The following MACROD2 variants were observed in gnomAD, a reference collection of about 807,000 sequenced individuals.
MACROD2 encodes the protein ADP-ribose glycohydrolase MACROD2.
In MACROD2, 36 loss-of-function variants were observed where a neutral mutation model predicts 70.4. The observed-to-expected ratio is 0.51, with a 90% CI of 0.39 to 0.68. The LOEUF (loss-of-function observed/expected upper bound fraction) is 0.68, where lower values mean the gene tolerates loss of function less well. Ranked by LOEUF, MACROD2 falls within the 30% of genes least tolerant of loss-of-function variation. The probability of loss-of-function intolerance (pLI) is 0.00; values close to 1 mark genes in which losing one functional copy is unlikely to be tolerated. For synonymous variants in MACROD2, 172 were observed against 178.8 expected (o/e 0.96, Z 0.30); for missense variants, 496 against 538.4 (o/e 0.92, Z 0.78).
chr20:15,104,363 G>T (rs1385569240), intron 5 of MACROD2, among the ~76,000 whole-genome samples: 1 of 152,118 alleles, frequency 6.6e-6, no homozygotes, highest in Non-Finnish European at 1.5e-5. Context: ...TCAATGTTCA[G>T]AATCCAACAT....
intron 3 of MACROD2, among the ~76,000 whole-genome samples, chr20:14,431,345 T>C (rs993235313): frequency 6.6e-6 from 1 of 152,114 alleles, no homozygotes; most frequent in Non-Finnish European, 1.5e-5. Context: ...CACTGTTAAC[T>C]ATTGTGCTGT....
At chr20:14,462,590 T>C (rs2084385432) in intron 3 of MACROD2, among the ~76,000 whole-genome samples, 1 of 121,486 alleles carries the variant, frequency 8.2e-6, no homozygotes, top group South Asian at 4.3e-4. Flanking sequence ...TTTGGTGTTT[T>C]AGACATGAAG....
chr20:15,359,966 A>G (rs1200459738), intron 6 of MACROD2, among the ~76,000 whole-genome samples: 1 of 152,210 alleles, frequency 6.6e-6, no homozygotes, highest in Admixed American at 6.5e-5. Flanking sequence ...CATTACCACC[A>G]GTACCTACCT....
intron 3 of MACROD2, among the ~76,000 whole-genome samples, chr20:14,369,032 C>G (rs1008918122): frequency 3.9e-5 from 6 of 152,032 alleles, no homozygotes; most frequent in African/African-American, 1.4e-4. Context: ...TTTTTAAATT[C>G]TTCGGTATAC....
chr20:15,355,509 C>T lies in MACROD2; in HGVS notation c.541-75896C>T, dbSNP rs568332648. On this transcript the variant is annotated intron_variant, in intron 6 of 17. Transcript: ENST00000684519. ...CACCACCTGGAAAGCTCCAATGAAC[C>T]TTAGTGTCCATAATTTTTATTGAGG... is the stretch of plus-strand genomic sequence containing the variant. Among the ~76,000 whole-genome samples the T allele has an allele frequency of 5.4e-4, 82 of 152,250 alleles. 4 individuals carry two copies. In the South Asian group the frequency reaches 0.016, roughly 29 times the overall value.
At chr20:15,718,362 A>C (rs1023222235) in intron 8 of MACROD2, among the ~76,000 whole-genome samples, 4 of 152,194 alleles carry the variant, frequency 2.6e-5, no homozygotes, top group Non-Finnish European at 5.9e-5. Context: ...ATATAGCTTA[A>C]TTTCTACCAA....
At chr20:15,635,680 A>G (rs1016527557) in intron 8 of MACROD2, among the ~76,000 whole-genome samples, 1 of 152,180 alleles carries the variant, frequency 6.6e-6, no homozygotes, top group African/African-American at 2.4e-5. Flanking sequence ...AAGCCTCAGC[A>G]TCCTGCAATA....
intron 8 of MACROD2, among the ~76,000 whole-genome samples, chr20:15,617,040 C>T (rs539730548): frequency 2.6e-5 from 4 of 152,260 alleles, no homozygotes; most frequent in South Asian, 4.2e-4. Flanking sequence ...TTTCTGAGTT[C>T]GAGACTAATG....
At chr20:14,217,825 T>C (rs190768247) in intron 3 of MACROD2, among the ~76,000 whole-genome samples, 3 of 152,300 alleles carry the variant, frequency 2.0e-5, no homozygotes, top group Admixed American at 1.3e-4. Flanking sequence ...TTGAATGATC[T>C]TTCATATTTC....
intron 3 of MACROD2, among the ~76,000 whole-genome samples, chr20:14,235,921 A>C (rs1308941695): frequency 0.032 from 7 of 216 alleles, no homozygotes; most frequent in Admixed American, 0.1. Flanking sequence ...AAACATACTT[A>C]ATAGTATTAC....
intron 6 of MACROD2, among the ~76,000 whole-genome samples, chr20:15,314,863 C>A (rs532196004): frequency 6.6e-6 from 1 of 152,332 alleles, no homozygotes; most frequent in African/African-American, 2.4e-5. Flanking sequence ...TTAAAAACCA[C>A]ATGCACACCC....
intron 2 of MACROD2, among the ~76,000 whole-genome samples, chr20:14,007,607 A>T (rs981871775): frequency 9.2e-5 from 14 of 152,240 alleles, no homozygotes; most frequent in African/African-American, 3.1e-4. Flanking sequence ...GGTAGATATG[A>T]TAGAAAGATG....
intron 5 of MACROD2, among the ~76,000 whole-genome samples, chr20:14,955,676 A>G (rs1255211244): frequency 6.6e-6 from 1 of 151,914 alleles, no homozygotes; most frequent in African/African-American, 2.4e-5. Context: ...TTTGTCTTGT[A>G]GTTTCTAACT....
chr20:14,762,961 T>G (rs982013183), intron 5 of MACROD2, among the ~76,000 whole-genome samples: 3 of 151,454 alleles, frequency 2.0e-5, no homozygotes, highest in Admixed American at 2.0e-4. Context: ...ACAAAAAACA[T>G]AAATGACAGA....
chr20:15,592,882 T>C (rs1184514729), intron 8 of MACROD2, among the ~76,000 whole-genome samples: 1 of 152,126 alleles, frequency 6.6e-6, no homozygotes, highest in African/African-American at 2.4e-5. Context: ...TCAGCCTTTG[T>C]CAAATGGGTT....
chr20:14,117,877 G>A (rs2054535266), intron 3 of MACROD2, among the ~76,000 whole-genome samples: 1 of 152,122 alleles, frequency 6.6e-6, no homozygotes, highest in Non-Finnish European at 1.5e-5. Context: ...CCCCCACCAG[G>A]ATACAGGCCC....
At chr20:15,765,875 C>A (rs6105464) in intron 8 of MACROD2, among the ~76,000 whole-genome samples, 53,259 of 151,756 alleles carry the variant, frequency 0.35, 9,430 homozygotes, top group African/African-American at 0.4. Flanking sequence ...TTTATACTTT[C>A]AAGAAAAGCA....
chr20:15,911,139 T>C (rs2065230823), intron 10 of MACROD2, among the ~76,000 whole-genome samples: 1 of 152,198 alleles, frequency 6.6e-6, no homozygotes, highest in South Asian at 2.1e-4. Context: ...ACTGTGGCCA[T>C]GGACATGTAC....
At chr20:15,829,568 G>A (rs576568551) in intron 8 of MACROD2, among the ~76,000 whole-genome samples, 3 of 152,134 alleles carry the variant, frequency 2.0e-5, no homozygotes, top group African/African-American at 7.2e-5. Context: ...GTAGGCTCCA[G>A]TTGGTTCCTT....
Sources: allele counts gnomAD v4.1 joint callset (sites outside exome capture counted in the v4.1 genomes callset), GRCh38; gene constraint gnomAD v4.1.1; transcripts MANE v1.5; gene names NCBI Gene and HGNC (gene_info 2026-07-23, HGNC 2026-07-21).